Variants in AP1G1 observed in about 807,000 individuals in gnomAD.
The protein encoded by AP1G1 is adaptor related protein complex 1 subunit gamma 1.
A neutral mutation model predicts 108.3 loss-of-function variants in AP1G1; 7 were observed. The observed-to-expected ratio is 0.06, with a 90% CI of 0.04 to 0.12. AP1G1 has a LOEUF of 0.12. Ranked by LOEUF, AP1G1 falls within the 10% of genes least tolerant of loss-of-function variation. The probability of loss-of-function intolerance (pLI) is 1.00; values close to 1 mark genes in which losing one functional copy is unlikely to be tolerated. For missense variants in AP1G1, 756 were observed against 1,010.7 expected (o/e 0.75, Z 3.42); for synonymous variants, 379 against 353.5 (o/e 1.07, Z -0.81).
rs559600117 is a variant in AP1G1, at chr16:71,748,392, G to T, written c.1498-14C>A. ...ATCCTCTGTTACCTGAGGAGGAGGA[G>T]GAAAAAGAAGACGATGAAGAATGAG... On this transcript the variant is annotated splice_polypyrimidine_tract_variant and intron_variant, in intron 15 of 22. Transcript: ENST00000299980. 2.5e-6 allele frequency: 4 copies of T among 1,604,894 alleles called. No individual in the cohort carries two copies. In the African/African-American group the frequency reaches 5.4e-5, roughly 22 times the overall value.
At chr16:71,739,746 CAAA>C (rs751174235) in intron 19 of AP1G1, among the ~76,000 whole-genome samples, 4 of 51,856 alleles carry the variant, frequency 7.7e-5, no homozygotes, top group Admixed American at 2.1e-4. Flanking sequence ...GACTCTGTCG[CAAA>C]AAAAAAAAAA....
intron 1 of AP1G1, among the ~76,000 whole-genome samples, chr16:71,797,507 G>A (rs1344391588): frequency 6.6e-6 from 1 of 152,010 alleles, no homozygotes; most frequent in Admixed American, 6.6e-5. Flanking sequence ...ACATTAGAAA[G>A]TTACTTAATA....
intron 7 of AP1G1, 141 bp downstream of exon 7, chr16:71,765,348 G>A: frequency 1.7e-6 from 1 of 583,974 alleles, no homozygotes; most frequent in Non-Finnish European, 3.0e-6. Flanking sequence ...ATCTAATATA[G>A]AATTGTGTCA....
At chr16:71,803,861 T>C (rs983385259) in intron 1 of AP1G1, among the ~76,000 whole-genome samples, 1 of 145,728 alleles carries the variant, frequency 6.9e-6, no homozygotes, top group African/African-American at 2.5e-5. Context: ...GGGGCGGAGG[T>C]TGCAGTAAGC....
chr16:71,796,185 G>C (rs1597088172), intron 1 of AP1G1, among the ~76,000 whole-genome samples: 1 of 152,310 alleles, frequency 6.6e-6, no homozygotes, highest in East Asian at 1.9e-4. Context: ...GTTGCAGTGA[G>C]CTGAGATCGA....
chr16:71,752,261 A>G (rs552373227), intron 13 of AP1G1, among the ~76,000 whole-genome samples: 149 of 152,320 alleles, frequency 9.8e-4, no homozygotes, highest in African/African-American at 3.5e-3. Context: ...GAGCCTCATG[A>G]AAACTAGGAA....
chr16:71,749,416 C>T (rs2030363780), intron 15 of AP1G1, among the ~76,000 whole-genome samples: 1 of 151,348 alleles, frequency 6.6e-6, no homozygotes, highest in Non-Finnish European at 1.5e-5. Flanking sequence ...CCCAGGAGAT[C>T]AAGGCTGCAG....
chr16:71,737,457 G>C (rs984695675), intron 21 of AP1G1, among the ~76,000 whole-genome samples: 1 of 152,004 alleles, frequency 6.6e-6, no homozygotes, highest in African/African-American at 2.4e-5. Context: ...CTAATTTTTT[G>C]TATTTTTGGT....
chr16:71,785,072 T>C (rs1240430563), intron 2 of AP1G1, among the ~76,000 whole-genome samples: 2 of 151,554 alleles, frequency 1.3e-5, no homozygotes, highest in Non-Finnish European at 2.9e-5. Context: ...AAATTATAAT[T>C]AGGTATTTTA....
chr16:71,802,559 A>G (rs2032842305), intron 1 of AP1G1, among the ~76,000 whole-genome samples: 1 of 151,960 alleles, frequency 6.6e-6, no homozygotes, highest in South Asian at 2.1e-4. Flanking sequence ...GTGAAACCCC[A>G]TCTCTACTAA....
chr16:71,737,627 T>C (rs1366118885), intron 21 of AP1G1, among the ~76,000 whole-genome samples: 1 of 152,186 alleles, frequency 6.6e-6, no homozygotes, highest in Non-Finnish European at 1.5e-5. Flanking sequence ...TCCTACAAAG[T>C]GTAAGCAAAG....
intron 1 of AP1G1, among the ~76,000 whole-genome samples, chr16:71,789,817 G>T (rs2032331517): frequency 6.6e-6 from 1 of 152,144 alleles, no homozygotes; most frequent in Non-Finnish European, 1.5e-5. Context: ...AATCCTTAAA[G>T]TAATAAGGAA....
At chr16:71,744,427 T>C (rs546707589) in intron 19 of AP1G1, among the ~76,000 whole-genome samples, 75 of 152,248 alleles carry the variant, frequency 4.9e-4, no homozygotes, top group African/African-American at 1.6e-3. Context: ...AAGAGGTAAG[T>C]AGCAGGTTAA....
At chr16:71,754,890 A>C (rs2030699434) in intron 12 of AP1G1, among the ~76,000 whole-genome samples, 3 of 152,210 alleles carry the variant, frequency 2.0e-5, no homozygotes, top group African/African-American at 7.2e-5. Flanking sequence ...CTGAGAAATG[A>C]GATTTGTTTT....
At chr16:71,785,160 T>C (rs781439778) in intron 2 of AP1G1, among the ~76,000 whole-genome samples, 1 of 151,836 alleles carries the variant, frequency 6.6e-6, no homozygotes, top group Non-Finnish European at 1.5e-5. Context: ...TACATTTTCA[T>C]CAGAAATAGC....
chr16:71,765,260 G>A (rs893177072), intron 7 of AP1G1, among the ~76,000 whole-genome samples: 37 of 152,186 alleles, frequency 2.4e-4, no homozygotes, highest in African/African-American at 8.4e-4. Context: ...CTGGGAGGTC[G>A]AGGCTGCAGT....
intron 4 of AP1G1, 111 bp downstream of exon 4, chr16:71,773,110 C>T: frequency 8.4e-7 from 1 of 1,184,188 alleles, no homozygotes; most frequent in Non-Finnish European, 1.2e-6. Flanking sequence ...ATTTACTACA[C>T]AGAAAAAATG....
intron 4 of AP1G1, among the ~76,000 whole-genome samples, chr16:71,771,725 T>C (rs1288368662): frequency 6.6e-6 from 1 of 152,214 alleles, no homozygotes; most frequent in East Asian, 1.9e-4. Flanking sequence ...TGTGGAGTTT[T>C]AAGGAAGTAA....
intron 2 of AP1G1, among the ~76,000 whole-genome samples, chr16:71,783,831 T>G (rs2032108381): frequency 6.6e-6 from 1 of 152,328 alleles, no homozygotes; most frequent in East Asian, 1.9e-4. Context: ...TTTTCTTTTT[T>G]ATGTACTGGC....
Sources: gnomAD v4.1 joint callset for allele counts (sites outside exome capture counted in the v4.1 genomes callset) on GRCh38, gnomAD v4.1.1 for gene constraint, MANE v1.5 for transcripts, NCBI Gene and HGNC (gene_info 2026-07-23, HGNC 2026-07-21) for gene names.